Variants in GNB4 observed in about 807,000 individuals in gnomAD.
The protein encoded by GNB4 is G protein subunit beta 4, also known as guanine nucleotide-binding protein subunit beta-4.
In GNB4, 28 loss-of-function variants were observed where a neutral mutation model predicts 45.2. That is an observed-to-expected ratio of 0.62 (90% CI 0.46 to 0.85). GNB4 has a LOEUF of 0.85. Among genes scored for constraint, GNB4 ranks in the 40% least tolerant of loss-of-function variants. The pLI, the probability that GNB4 is intolerant of heterozygous loss-of-function variation, is 0.00. For missense variants in GNB4, 321 were observed against 425.4 expected, an observed-to-expected ratio of 0.75 and a Z score of 2.16; for synonymous variants, 132 against 143.7, an observed-to-expected ratio of 0.92 and a Z score of 0.58.
the GNB4 span, among the ~76,000 whole-genome samples, chr3:179,484,866 C>G: frequency 1.1e-5 from 1 of 89,618 alleles, no homozygotes; most frequent in Admixed American, 1.2e-4. Flanking sequence ...GTGTGTGTGT[C>G]TTCAAACAGA....
At chr3:179,506,078 C>T in the GNB4 span, among the ~76,000 whole-genome samples, 1 of 152,182 alleles carries the variant, frequency 6.6e-6, no homozygotes, top group Non-Finnish European at 1.5e-5. Flanking sequence ...CGCGGTGGCT[C>T]ACGCCTTTAA....
At chr3:179,419,273 A>G in intron 4 of GNB4, 126 bp downstream of exon 4, 2 of 698,422 alleles carry the variant, frequency 2.9e-6, no homozygotes, top group South Asian at 3.2e-5. Context: ...TGTTCATCTG[A>G]GATGCATTTT....
the GNB4 span, among the ~76,000 whole-genome samples, chr3:179,461,154 G>C: frequency 9.1e-4 from 138 of 152,172 alleles, no homozygotes; most frequent in African/African-American, 3.3e-3. Context: ...TGTTTCAAGG[G>C]CTTCTTGCCA....
the GNB4 span, among the ~76,000 whole-genome samples, chr3:179,520,251 G>A: frequency 4.7e-5 from 7 of 148,820 alleles, no homozygotes; most frequent in East Asian, 2.1e-4. Flanking sequence ...CATTACTTCA[G>A]TCGAGCCCAA....
the GNB4 span, among the ~76,000 whole-genome samples, chr3:179,517,278 AC>A: frequency 2.2e-4 from 34 of 151,522 alleles, no homozygotes; most frequent in Non-Finnish European, 4.0e-4. Flanking sequence ...GCACCTTGTG[AC>A]CCCCACCCCT....
the GNB4 span, among the ~76,000 whole-genome samples, chr3:179,491,097 G>A: frequency 6.6e-6 from 1 of 152,100 alleles, no homozygotes; most frequent in Non-Finnish European, 1.5e-5. Context: ...TAAGAAGCAA[G>A]GGTAAACACT....
At chr3:179,479,708 T>A in the GNB4 span, among the ~76,000 whole-genome samples, 1 of 152,180 alleles carries the variant, frequency 6.6e-6, no homozygotes, top group Non-Finnish European at 1.5e-5. Flanking sequence ...AAGAAACATG[T>A]AAGTGCAAAC....
At chr3:179,464,997 T>C in the GNB4 span, 1,020 of 1,536,868 alleles carry the variant, frequency 6.6e-4, no homozygotes, top group Non-Finnish European at 8.7e-4. Context: ...ACAGATGGGG[T>C]GCATGAACGT....
the GNB4 span, among the ~76,000 whole-genome samples, chr3:179,485,427 C>A: frequency 6.6e-6 from 1 of 152,172 alleles, no homozygotes; most frequent in African/African-American, 2.4e-5. Context: ...TCAAGACTAG[C>A]CCTGTACTGT....
At chr3:179,502,025 T>G in the GNB4 span, among the ~76,000 whole-genome samples, 255 of 152,242 alleles carry the variant, frequency 1.7e-3, 1 homozygote, top group African/African-American at 5.8e-3. Flanking sequence ...AAATCCCCAT[T>G]AGTATACGTC....
chr3:179,464,488 A>C, the GNB4 span: 1 of 1,611,664 alleles, frequency 6.2e-7, no homozygotes, highest in Non-Finnish European at 8.5e-7. Context: ...CTGGCCCAGC[A>C]GATCAAGCAG....
the GNB4 span, among the ~76,000 whole-genome samples, chr3:179,480,289 C>A: frequency 6.6e-6 from 1 of 152,182 alleles, no homozygotes; most frequent in Admixed American, 6.5e-5. Context: ...AAGACAGCAA[C>A]CCTTTATTTT....
At chr3:179,414,200 T>A (rs547572615) in intron 6 of GNB4, among the ~76,000 whole-genome samples, 26 of 151,500 alleles carry the variant, frequency 1.7e-4, no homozygotes, top group South Asian at 6.2e-4. Flanking sequence ...GTTAAAAAAA[T>A]TTTTTTTTCA....
At chr3:179,508,820 A>G in the GNB4 span, among the ~76,000 whole-genome samples, 1 of 151,476 alleles carries the variant, frequency 6.6e-6, no homozygotes, top group Non-Finnish European at 1.5e-5. Flanking sequence ...TGCATTAGAT[A>G]CTTATTGTTA....
At chr3:179,483,059 C>T in the GNB4 span, among the ~76,000 whole-genome samples, 2 of 152,130 alleles carry the variant, frequency 1.3e-5, no homozygotes, top group South Asian at 2.1e-4. Context: ...TGTAAGAAGT[C>T]GTAGTCATTT....
the GNB4 span, among the ~76,000 whole-genome samples, chr3:179,468,031 T>TAAAAAAAAAAA: frequency 1.5e-5 from 1 of 67,288 alleles, no homozygotes; most frequent in African/African-American, 6.1e-5. Context: ...ATTTTGTTGA[T>TAAAAAAAAAAA]AAAAATATAT....
At chr3:179,466,942 C>T in the GNB4 span, among the ~76,000 whole-genome samples, 1 of 152,146 alleles carries the variant, frequency 6.6e-6, no homozygotes, top group Non-Finnish European at 1.5e-5. Flanking sequence ...GGTTTTAAAA[C>T]TGAAATGTTA....
At chr3:179,427,018 C>T (rs574964413) in intron 1 of GNB4, among the ~76,000 whole-genome samples, 106 of 152,242 alleles carry the variant, frequency 7.0e-4, no homozygotes, top group African/African-American at 2.5e-3. Flanking sequence ...CACTCTCACA[C>T]TCACTCTGTT....
At chr3:179,406,950 G>T (rs1479867445) in intron 8 of GNB4, among the ~76,000 whole-genome samples, 3 of 152,040 alleles carry the variant, frequency 2.0e-5, no homozygotes, top group Non-Finnish European at 4.4e-5. Context: ...TACTTCATAA[G>T]ACCCTTGGAC....
Sources: gnomAD v4.1 joint callset for allele counts (sites outside exome capture counted in the v4.1 genomes callset) on GRCh38, gnomAD v4.1.1 for gene constraint, MANE v1.5 for transcripts, NCBI Gene and HGNC (gene_info 2026-07-23, HGNC 2026-07-21) for gene names.